Variants in LOC128462377 observed in about 807,000 individuals in gnomAD.
the LOC128462377 span, among the ~76,000 whole-genome samples, chr16:89,328,590 C>G: frequency 6.7e-6 from 1 of 148,568 alleles, no homozygotes; most frequent in Non-Finnish European, 1.5e-5. Context: ...CCCAGGCGTA[C>G]GGGTGAATCT....
At chr16:89,372,285 C>T in the LOC128462377 span, among the ~76,000 whole-genome samples, 1 of 152,230 alleles carries the variant, frequency 6.6e-6, no homozygotes, top group Non-Finnish European at 1.5e-5. Flanking sequence ...TTAAGAGGGG[C>T]TCTGGGGCAG....
At chr16:89,391,676 T>G in the LOC128462377 span, among the ~76,000 whole-genome samples, 1 of 152,196 alleles carries the variant, frequency 6.6e-6, no homozygotes, top group South Asian at 2.1e-4. Flanking sequence ...TTTAATACCC[T>G]GTTCTCAATC....
At chr16:89,402,270 G>C in the LOC128462377 span, among the ~76,000 whole-genome samples, 1 of 152,198 alleles carries the variant, frequency 6.6e-6, no homozygotes, top group African/African-American at 2.4e-5. Context: ...ACGTACGCCA[G>C]TTCTTTGTAG....
chr16:89,385,637 C>T, the LOC128462377 span, among the ~76,000 whole-genome samples: 2 of 152,242 alleles, frequency 1.3e-5, no homozygotes, highest in African/African-American at 2.4e-5. Context: ...GATGCATTTC[C>T]ACATTTCACT....
chr16:89,322,680 G>C, the LOC128462377 span, among the ~76,000 whole-genome samples: 1 of 152,246 alleles, frequency 6.6e-6, no homozygotes, highest in Non-Finnish European at 1.5e-5. Context: ...ACACTGGGGA[G>C]GGTGGGGAAG....
At chr16:89,389,806 C>T in the LOC128462377 span, among the ~76,000 whole-genome samples, 6 of 128,416 alleles carry the variant, frequency 4.7e-5, no homozygotes, top group Middle Eastern at 5.3e-3. Context: ...CGGGGAGCAC[C>T]GAGAGAGAAG....
the LOC128462377 span, among the ~76,000 whole-genome samples, chr16:89,349,043 G>A: frequency 3.7e-4 from 54 of 144,022 alleles, no homozygotes; most frequent in African/African-American, 1.3e-3. Flanking sequence ...CAGGATAATC[G>A]CTTGAACCTG....
the LOC128462377 span, among the ~76,000 whole-genome samples, chr16:89,347,973 A>G: frequency 6.6e-6 from 1 of 151,496 alleles, no homozygotes; most frequent in African/African-American, 2.4e-5. Context: ...TCATTCCATC[A>G]CCCAGGCTGG....
the LOC128462377 span, among the ~76,000 whole-genome samples, chr16:89,385,782 G>A: frequency 6.6e-6 from 1 of 152,242 alleles, no homozygotes; most frequent in East Asian, 1.9e-4. Flanking sequence ...CAGTGAGACC[G>A]TGCCAGAGCC....
At chr16:89,356,970 T>C in the LOC128462377 span, among the ~76,000 whole-genome samples, 1 of 152,164 alleles carries the variant, frequency 6.6e-6, no homozygotes, top group African/African-American at 2.4e-5. Context: ...TGTGACCATC[T>C]TGGAGGGGTT....
At chr16:89,340,761 GA>G in the LOC128462377 span, among the ~76,000 whole-genome samples, 3 of 152,154 alleles carry the variant, frequency 2.0e-5, no homozygotes, top group Non-Finnish European at 2.9e-5. Context: ...CAAAATCTTG[GA>G]AGAGGCACAA....
the LOC128462377 span, among the ~76,000 whole-genome samples, chr16:89,395,288 C>A: frequency 5.3e-5 from 8 of 152,232 alleles, no homozygotes; most frequent in Admixed American, 2.6e-4. Context: ...GAGGAATGGG[C>A]TGGACTCTTT....
At chr16:89,386,064 C>T in the LOC128462377 span, among the ~76,000 whole-genome samples, 5 of 152,234 alleles carry the variant, frequency 3.3e-5, no homozygotes, top group South Asian at 8.3e-4. Context: ...AATTTGTCTG[C>T]AAGAGAAGCA....
the LOC128462377 span, among the ~76,000 whole-genome samples, chr16:89,372,127 G>A: frequency 3.3e-5 from 5 of 152,306 alleles, no homozygotes; most frequent in East Asian, 3.9e-4. Flanking sequence ...ATGCACACAC[G>A]GGCAACTTTA....
chr16:89,381,190 G>A, the LOC128462377 span, among the ~76,000 whole-genome samples: 1 of 152,096 alleles, frequency 6.6e-6, no homozygotes, highest in African/African-American at 2.4e-5. Flanking sequence ...TAATAAGCTG[G>A]GCATGGTGGT....
the LOC128462377 span, among the ~76,000 whole-genome samples, chr16:89,381,409 C>G: frequency 2.7e-5 from 4 of 148,898 alleles, no homozygotes; most frequent in African/African-American, 1.0e-4. Flanking sequence ...CACCAAGAAA[C>G]TCCCAGACAC....
chr16:89,417,194 C>A, the LOC128462377 span, among the ~76,000 whole-genome samples: 2 of 152,228 alleles, frequency 1.3e-5, no homozygotes, highest in South Asian at 4.1e-4. Flanking sequence ...TGACTCCAGG[C>A]GACTGAGATA....
At chr16:89,345,299 A>G in the LOC128462377 span, among the ~76,000 whole-genome samples, 1 of 145,818 alleles carries the variant, frequency 6.9e-6, no homozygotes, top group African/African-American at 2.5e-5. Flanking sequence ...ATCACGACAA[A>G]CGGATGGAAA....
chr16:89,339,927 G>A, the LOC128462377 span: 2 of 152,304 alleles, frequency 1.3e-5, no homozygotes, highest in Non-Finnish European at 2.9e-5. Flanking sequence ...CGCATTGGAC[G>A]GTTCCTGCCG....
Sources: allele counts gnomAD v4.1 joint callset (sites outside exome capture counted in the v4.1 genomes callset), GRCh38; gene constraint gnomAD v4.1.1; transcripts MANE v1.5.